Variants in EFHC2 observed in about 807,000 individuals in gnomAD.
EFHC2 encodes the protein EF-hand domain containing 2, also known as EF-hand domain-containing family member C2.
Under a neutral mutation model 52.7 loss-of-function variants are expected in EFHC2, and 18 were observed. The ratio of observed to expected loss-of-function variants is 0.34; its 90% CI spans 0.24 to 0.51. The LOEUF (loss-of-function observed/expected upper bound fraction) is 0.51, where lower values mean the gene tolerates loss of function less well. Ranked by LOEUF, EFHC2 falls within the 20% of genes least tolerant of loss-of-function variation. EFHC2 has a pLI of 0.97. For missense variants in EFHC2, 513 were observed against 562.5 expected, an observed-to-expected ratio of 0.91 and a Z score of 0.89; for synonymous variants, 203 against 204.1, an observed-to-expected ratio of 0.99 and a Z score of 0.04.
At position 44,229,792 on chromosome X, in the gene EFHC2, A is replaced by T. The variant is rs1408858079; in HGVS notation, c.1621-13T>A. On this transcript the variant is annotated splice_polypyrimidine_tract_variant and intron_variant, in intron 10 of 14. Transcript: ENST00000420999. ...TACTGAAAGGATACTGTAAGGGGGA[A>T]ATGAAAGGAAAAACATATTTAAATA... 2 of 1,196,728 alleles carry T rather than the reference A, an allele frequency of 1.7e-6. No individual in the cohort carries two copies. Among genetic ancestry groups the T allele is most frequent in the Admixed American group, 4.5e-5 (2 of 44,357 alleles).
chrX:44,164,006 T>C lies in EFHC2; in HGVS notation c.2064A>G (p.Gln688=), dbSNP rs371757751. Residue 688 remains glutamine (Q), a synonymous_variant, in exon 14 of 15, where the codon CAA becomes CAG. Transcript: ENST00000420999. ...CAGAGAAAAATGACTTATAATCTAT[T>C]TGTTTTTCACTGTCTTCAAACCTGA... ...LLSRFEDSEK[Q]IDYKSFFSAL... is the part of the protein sequence containing the mutation. The C allele has an allele frequency of 4.5e-5, 51 of 1,142,767 alleles. No homozygotes were observed. Among genetic ancestry groups the C allele is most frequent in the Non-Finnish European group, 5.6e-5 (48 of 859,967 alleles). 94.2% of individuals were successfully genotyped at this position (1,142,767 alleles called of 1,213,427 possible).
chrX:44,255,884 C>A (rs2037487966), intron 4 of EFHC2, among the ~76,000 whole-genome samples: 1 of 111,582 alleles, frequency 9.0e-6, no homozygotes, highest in Admixed American at 9.6e-5. Flanking sequence ...GTAAAACACT[C>A]CTCAGCAAAT....
At chrX:44,301,942 T>C (rs2037871705) in intron 2 of EFHC2, among the ~76,000 whole-genome samples, 1 of 112,377 alleles carries the variant, frequency 8.9e-6, no homozygotes, top group Non-Finnish European at 1.9e-5. Context: ...GGTTGTTCCC[T>C]GTTTTTTGGC....
chrX:44,324,836 G>C (rs749013378), intron 1 of EFHC2, among the ~76,000 whole-genome samples: 1 of 111,874 alleles, frequency 8.9e-6, no homozygotes, highest in African/African-American at 3.2e-5. Context: ...CACCCAAAGA[G>C]TATTATCCAG....
In EFHC2 at chrX:44,209,016, AATCTGTGTGT is replaced by A. The variant is rs1424702940; in HGVS notation, c.1751+20623_1751+20632del. Among the ~76,000 whole-genome samples, 6 of 85,928 alleles carry A rather than the reference AATCTGTGTGT, an allele frequency of 7.0e-5. No homozygotes were observed. In the East Asian group the frequency reaches 2.6e-3, roughly 37 times the overall value. The allele number at this position is 85,928 out of a possible 115,157, so 74.6% of individuals were successfully genotyped here. ...AATGCATGATACTGGGTTGATTGGC[AATCTGTGTGT>A]GTGTGTGTGTGTGTGTGTGTGTGTG... On this transcript the variant is annotated intron_variant, in intron 11 of 14. Transcript: ENST00000420999.
intron 2 of EFHC2, among the ~76,000 whole-genome samples, chrX:44,303,728 CATAA>C (rs911527915): frequency 4.5e-5 from 5 of 110,116 alleles, no homozygotes; most frequent in African/African-American, 1.7e-4. Context: ...CACACAGCTA[CATAA>C]ATAATCAGCT....
At chrX:44,314,027 C>T (rs2037967981) in intron 1 of EFHC2, among the ~76,000 whole-genome samples, 1 of 111,589 alleles carries the variant, frequency 9.0e-6, no homozygotes. Flanking sequence ...CTGAAGTACA[C>T]ATAAAATTTC....
chrX:44,293,528 T>G (rs1176421374), intron 2 of EFHC2, among the ~76,000 whole-genome samples: 1 of 110,251 alleles, frequency 9.1e-6, no homozygotes, highest in Admixed American at 9.5e-5. Context: ...ATGGCAAAAT[T>G]TTTGCCATTT....
At chrX:44,240,389 C>T (rs1386257559) in intron 8 of EFHC2, among the ~76,000 whole-genome samples, 1 of 112,016 alleles carries the variant, frequency 8.9e-6, no homozygotes, top group Non-Finnish European at 1.9e-5. Flanking sequence ...AGTCAGTGTT[C>T]TGTGGGCAAG....
intron 11 of EFHC2, among the ~76,000 whole-genome samples, chrX:44,199,143 C>T (rs1224060413): frequency 4.4e-5 from 5 of 112,847 alleles, no homozygotes; most frequent in Middle Eastern, 9.2e-3. Flanking sequence ...GGAGGCAGAT[C>T]CCTCATGAAT....
chrX:44,201,459 T>C (rs2037005884), intron 11 of EFHC2, among the ~76,000 whole-genome samples: 1 of 111,751 alleles, frequency 8.9e-6, no homozygotes, highest in Non-Finnish European at 1.9e-5. Context: ...AAAATTTGGT[T>C]GTTTAAAAAA....
intron 4 of EFHC2, 149 bp downstream of exon 4, chrX:44,260,926 T>TC: frequency 2.0e-6 from 1 of 489,107 alleles, no homozygotes; most frequent in African/African-American, 2.4e-5. Flanking sequence ...CACTCAGCCT[T>TC]CCCTCTAGCC....
At chrX:44,338,483 G>A (rs1315351935) in intron 1 of EFHC2, among the ~76,000 whole-genome samples, 1 of 109,593 alleles carries the variant, frequency 9.1e-6, no homozygotes, top group African/African-American at 3.3e-5. Flanking sequence ...CTGCACCCCA[G>A]CCTGGGAGAA....
At chrX:44,302,997 C>G (rs2037879034) in intron 2 of EFHC2, among the ~76,000 whole-genome samples, 1 of 111,562 alleles carries the variant, frequency 9.0e-6, no homozygotes, top group South Asian at 3.7e-4. Flanking sequence ...CTTTGTTAAG[C>G]AAGTGAAATT....
At chrX:44,245,205 G>T (rs751331867) in intron 7 of EFHC2, among the ~76,000 whole-genome samples, 1 of 111,503 alleles carries the variant, frequency 9.0e-6, no homozygotes, top group Non-Finnish European at 1.9e-5. Flanking sequence ...AAAATTCAGA[G>T]ATGGCCAGAA....
chrX:44,180,261 C>G (rs2036823482), intron 11 of EFHC2, among the ~76,000 whole-genome samples: 1 of 111,594 alleles, frequency 9.0e-6, no homozygotes, highest in African/African-American at 3.3e-5. Context: ...TGAGGGCTAT[C>G]ACTAATCATT....
chrX:44,225,486 C>T (rs900759987), intron 11 of EFHC2, among the ~76,000 whole-genome samples: 1 of 110,810 alleles, frequency 9.0e-6, no homozygotes, highest in African/African-American at 3.3e-5. Context: ...GACCACTGCC[C>T]AGAGCAGCAG....
chrX:44,268,516 TG>T (rs1485732258), intron 3 of EFHC2, among the ~76,000 whole-genome samples: 1 of 111,200 alleles, frequency 9.0e-6, no homozygotes, highest in African/African-American at 3.3e-5. Context: ...AGGCCTGGGG[TG>T]TCCTGTGACC....
At chrX:44,161,328 C>T (rs1369960259) in intron 14 of EFHC2, among the ~76,000 whole-genome samples, 1 of 111,534 alleles carries the variant, frequency 9.0e-6, no homozygotes, top group African/African-American at 3.3e-5. Context: ...TTAGAAAAAC[C>T]AATAGGGGCT....
Sources: gnomAD v4.1 joint callset for allele counts (sites outside exome capture counted in the v4.1 genomes callset) on GRCh38, gnomAD v4.1.1 for gene constraint, MANE v1.5 for transcripts, NCBI Gene and HGNC (gene_info 2026-07-23, HGNC 2026-07-21) for gene names.